The following PXDN variants were observed in gnomAD, a reference collection of about 807,000 sequenced individuals.
The protein encoded by PXDN is peroxidasin, also known as peroxidasin homolog.
A neutral mutation model predicts 140.3 loss-of-function variants in PXDN; 77 were observed. That is an observed-to-expected ratio of 0.55 (90% CI 0.46 to 0.66). The LOEUF is 0.66. PXDN is among the 30% of genes least tolerant of loss of function. The pLI, the probability that PXDN is intolerant of heterozygous loss-of-function variation, is 0.00. For missense variants in PXDN, 1,838 were observed against 2,039.5 expected (o/e 0.90, Z 1.90); for synonymous variants, 911 against 857.4 (o/e 1.06, Z -1.09).
Position 1,649,367 on chromosome 2 carries a change from T to C in PXDN, c.2413A>G (p.Thr805Ala), listed in dbSNP as rs748728143. The change falls in exon 17 of 23, where the codon ACG becomes GCG. Residue 805 changes from threonine (T) to alanine (A), a missense_variant. Physicochemically the swap from Thr to Ala is moderately conservative, Grantham distance 58. Around this residue, in one of 5 missense-constraint regions of PXDN, gnomAD observed 537 missense variants for 583.9 expected, o/e 0.92. Coordinates refer to ENST00000252804, the MANE Select transcript of PXDN (RefSeq NM_012293.3). This position sits in a 1 kb window ranked among gnomAD's most constrained non-coding sequence, Gnocchi z 7.1. ...TGCTCGTCGGGTGTGACGGTCTCCG[T>C]CCCGATCAGGGTGGTGGACACCAGG... The part of the protein sequence containing the change: ...PRLVSTTLIG[T>A]ETVTPDEQFT... 1.2e-6 allele frequency: 2 copies of C among 1,613,858 alleles called. No individual in the cohort carries two copies. Among genetic ancestry groups the C allele is most frequent in the East Asian group, 2.2e-5 (1 of 44,840 alleles).
rs752170387 is a variant in PXDN, at chr2:1,649,415, C to T, written c.2365G>A (p.Gly789Arg). Residue 789 changes from glycine to arginine, a missense_variant, in exon 17 of 23, where the codon GGG becomes AGG. Around this residue, in one of 5 missense-constraint regions of PXDN, gnomAD observed 537 missense variants for 583.9 expected, o/e 0.92. Transcript: ENST00000252804. The surrounding 1 kb of genome is among the most constrained non-coding windows in gnomAD (Gnocchi z 7.1). The part of the protein sequence containing the change: ...RGINPHRLYN[G>R]HALPMPRLVS... ...AGGCGCGGCATGGGAAGGGCGTGCC[C>T]GTTGTACAGTCGGTGGGGGTTGATG... The T allele has an allele frequency of 5.0e-6, 8 of 1,613,898 alleles. No individual in the cohort carries two copies. The Admixed American group carries it at 6.7e-5, about 13-fold the overall frequency.
chr2:1,719,476 C>T (rs572155959), intron 1 of PXDN, among the ~76,000 whole-genome samples: 16 of 152,298 alleles, frequency 1.1e-4, no homozygotes, highest in Non-Finnish European at 1.6e-4. Flanking sequence ...CAGGAGGCAT[C>T]GAACTCCTCG....
chr2:1,711,595 C>T lies in PXDN; in HGVS notation c.201-18461G>A, dbSNP rs1272678876. On this transcript the variant is annotated intron_variant, in intron 1 of 22. Transcript: ENST00000252804. The stretch of plus-strand genomic sequence containing the variant: ...TCCACCAGCACCCACTCCACCAGCA[C>T]CCACTCTCCACCAGCACCCACTCTC... Among the ~76,000 whole-genome samples the T allele has an allele frequency of 5.7e-4, 41 of 71,764 alleles. 1 individual carries two copies. Among genetic ancestry groups the T allele is most frequent in the Middle Eastern group, 5.4e-3 (1 of 184 alleles). The allele number at this position is 71,764 out of a possible 152,430, so 47.1% of individuals were successfully genotyped here. A position where few individuals can be genotyped will look rare whatever the true frequency, so the allele number is the denominator to read the frequency against.
At chr2:1,692,598 G>A in intron 2 of PXDN, 1 of 472,338 alleles carries the variant, frequency 2.1e-6, no homozygotes, top group Non-Finnish European at 4.4e-6. Context: ...TGCAGAGCCT[G>A]AGGTCTGCAC....
At chr2:1,662,506 C>T (rs906128694) in intron 12 of PXDN, among the ~76,000 whole-genome samples, 1 of 152,180 alleles carries the variant, frequency 6.6e-6, no homozygotes, top group Non-Finnish European at 1.5e-5. Context: ...CCCAGTCCCT[C>T]ACCGATGGTG....
At chr2:1,677,998 C>T (rs545515971) in intron 7 of PXDN, among the ~76,000 whole-genome samples, 7 of 152,194 alleles carry the variant, frequency 4.6e-5, no homozygotes, top group African/African-American at 7.2e-5. Context: ...CCAAGGCCCT[C>T]GACCCAACTT....
At chr2:1,732,507 T>C (rs1427092724) in intron 1 of PXDN, among the ~76,000 whole-genome samples, 2 of 152,166 alleles carry the variant, frequency 1.3e-5, no homozygotes, top group African/African-American at 4.8e-5. Flanking sequence ...GAAAACCTCA[T>C]GATTCACAGG....
chr2:1,699,472 G>A (rs745441402), intron 1 of PXDN, among the ~76,000 whole-genome samples: 2 of 152,202 alleles, frequency 1.3e-5, no homozygotes, highest in Non-Finnish European at 2.9e-5. Flanking sequence ...ACTTTGGGAG[G>A]CCGAGGCCGG....
intron 1 of PXDN, among the ~76,000 whole-genome samples, chr2:1,738,865 CCA>C (rs1685476453): frequency 6.6e-6 from 1 of 152,212 alleles, no homozygotes; most frequent in African/African-American, 2.4e-5. Flanking sequence ...CAACTCTTAC[CCA>C]GCTTTGAGAT....
At chr2:1,658,599 A>C (rs1214312862) in intron 14 of PXDN, among the ~76,000 whole-genome samples, 1 of 151,286 alleles carries the variant, frequency 6.6e-6, no homozygotes, top group Non-Finnish European at 1.5e-5. Flanking sequence ...CCCTTCATCC[A>C]CAGCCCAAGC....
chr2:1,744,657 T>C (rs736868), upstream of PXDN: 131,663 of 400,044 alleles, frequency 0.33, 24,049 homozygotes, highest in East Asian at 0.63. Context: ...GCGTCCGGCC[T>C]GAGCGCCCTC....
intron 3 of PXDN, among the ~76,000 whole-genome samples, chr2:1,691,507 T>C (rs2125449855): frequency 6.6e-6 from 1 of 152,308 alleles, no homozygotes. Flanking sequence ...CCGGGGTTAG[T>C]TATTTCGAGT....
intron 1 of PXDN, among the ~76,000 whole-genome samples, chr2:1,741,148 AC>A (rs1472528896): frequency 1.3e-5 from 2 of 151,970 alleles, no homozygotes; most frequent in East Asian, 1.9e-4. Context: ...TCCAGCCAGC[AC>A]CCTAGCGGCG....
In PXDN at chr2:1,644,736, G is replaced by C; in HGVS notation, c.3625C>G (p.Leu1209Val). Residue 1209 changes from leucine (L) to valine (V), a missense_variant, in exon 18 of 23, where the codon CTC (leucine) becomes GTC (valine). Coordinates refer to ENST00000252804, the MANE Select transcript of PXDN (RefSeq NM_012293.3). The stretch of plus-strand genomic sequence containing the variant: ...AGCGCCGGAAACAGGTCGATGTTGA[G>C]TGTCGAGCCATACAACCTAAAAAAT... ...EKLKRLYGSTLNIDLFPALVV... is the reference protein window; with the variant it reads ...EKLKRLYGSTVNIDLFPALVV... 1 of 1,562,340 alleles carries C rather than the reference G, an allele frequency of 6.4e-7. No individual in the cohort carries two copies. Among genetic ancestry groups the C allele is most frequent in the South Asian group, 1.2e-5 (1 of 83,598 alleles).
intron 9 of PXDN, among the ~76,000 whole-genome samples, 162 bp downstream of exon 9, chr2:1,673,481 C>T (rs889327300): frequency 3.3e-5 from 5 of 152,262 alleles, no homozygotes; most frequent in South Asian, 2.1e-4. Context: ...GGATCATCTA[C>T]GACCCTGCGC....
chr2:1,673,838 T>A (rs762930013), intron 8 of PXDN, 26 bp from the exon 9 acceptor site: 3 of 1,612,978 alleles, frequency 1.9e-6, no homozygotes, highest in Non-Finnish European at 2.5e-6. Flanking sequence ...TATGGTCTGG[T>A]CAAGTGTTGA....
intron 1 of PXDN, among the ~76,000 whole-genome samples, chr2:1,742,213 A>G (rs1362839284): frequency 1.3e-5 from 2 of 152,254 alleles, no homozygotes; most frequent in Admixed American, 6.5e-5. Flanking sequence ...TTCCACCGCC[A>G]GAAAATGGGT....
intron 13 of PXDN, 88 bp downstream of exon 13, chr2:1,661,984 T>C: frequency 2.4e-6 from 3 of 1,234,010 alleles, no homozygotes; most frequent in Non-Finnish European, 2.3e-6. Flanking sequence ...CTGGTCCGCC[T>C]ACCTTGCTCC....
In PXDN at chr2:1,656,302, C is replaced by T. The variant is rs1683131918; in HGVS notation, c.1838-1794G>A. On this transcript the variant is annotated intron_variant, in intron 14 of 22. Transcript: ENST00000252804. ...ACCAAATACTATAAACTAATTCCAA[C>T]CAACTTTTATTTTTAGTGATGAAAA... 5.3e-5 allele frequency among the ~76,000 whole-genome samples: 8 copies of T among 152,312 alleles called. 1 individual carries two copies. Among genetic ancestry groups the T allele is most frequent in the African/African-American group, 1.9e-4 (8 of 41,576 alleles).
Sources: allele counts gnomAD v4.1 joint callset (sites outside exome capture counted in the v4.1 genomes callset), GRCh38; gene constraint gnomAD v4.1.1; regional missense constraint gnomAD v4.1.1; non-coding constraint Gnocchi (gnomAD v3.1); transcripts MANE v1.5; gene names NCBI Gene and HGNC (gene_info 2026-07-23, HGNC 2026-07-21).